The following RAB44 variants were observed in gnomAD, a reference collection of about 807,000 sequenced individuals.
RAB44 encodes the protein RAB44, member RAS oncogene family, also known as ras-related protein Rab-44.
Under a neutral mutation model 93.3 loss-of-function variants are expected in RAB44, and 67 were observed. That is an observed-to-expected ratio of 0.72 (90% CI 0.59 to 0.88). The LOEUF (loss-of-function observed/expected upper bound fraction) is 0.88, where lower values mean the gene tolerates loss of function less well. Among genes scored for constraint, RAB44 ranks in the 40% least tolerant of loss-of-function variants. The pLI is 0.00. For synonymous variants in RAB44, 427 were observed against 520.3 expected (o/e 0.82, Z 2.44); for missense variants, 1,064 against 1,261.7 (o/e 0.84, Z 2.37).
chr6:36,720,647 TG>T (rs5875554), intron 8 of RAB44, 97 bp downstream of exon 8: 49,498 of 929,144 alleles, frequency 0.053, 1,748 homozygotes, highest in Non-Finnish European at 0.062. Context: ...TAGCACACAG[TG>T]CACACATAGA....
At chr6:36,703,585 G>A (rs1385962828) in intron 1 of RAB44, among the ~76,000 whole-genome samples, 1 of 152,122 alleles carries the variant, frequency 6.6e-6, no homozygotes, top group Non-Finnish European at 1.5e-5. Flanking sequence ...AGGGCACAGG[G>A]GTGGGGTGGA....
intron 8 of RAB44, 139 bp downstream of exon 8, chr6:36,720,689 C>A: frequency 1.5e-6 from 1 of 669,464 alleles, no homozygotes; most frequent in Non-Finnish European, 2.1e-6. Flanking sequence ...CTCTGCCAAG[C>A]TGGAACTATC....
At chr6:36,724,626 G>A (rs1319598158) in intron 9 of RAB44, among the ~76,000 whole-genome samples, 7 of 151,694 alleles carry the variant, frequency 4.6e-5, no homozygotes, top group African/African-American at 1.2e-4. Flanking sequence ...AAACACAGCT[G>A]CATAATCGTG....
At chr6:36,712,606 C>G (rs947841646) in intron 2 of RAB44, among the ~76,000 whole-genome samples, 1 of 152,190 alleles carries the variant, frequency 6.6e-6, no homozygotes, top group African/African-American at 2.4e-5. Context: ...CTCAAGTGAT[C>G]TGCCCGCCTC....
At position 36,721,826 on chromosome 6, in the gene RAB44, C is replaced by G; in HGVS notation, c.1692C>G (p.Thr564=). 1 of 1,234,582 alleles carries G rather than the reference C, an allele frequency of 8.1e-7. No homozygotes were observed. Among genetic ancestry groups the G allele is most frequent in the Non-Finnish European group, 1.0e-6 (1 of 988,450 alleles). The allele number at this position is 1,234,582 out of a possible 1,614,324, so 76.5% of individuals were successfully genotyped here. The change falls in exon 9 of 14, where the codon ACC becomes ACG. Residue 564 remains threonine, a synonymous_variant. Coordinates refer to ENST00000612677, the MANE Select transcript of RAB44 (RefSeq NM_001257357.2). ...QTPPTMTERE[T]QPGPSPTTAL... is the part of the protein sequence containing the mutation. ...CTCCCACCATGACTGAGCGGGAAAC[C>G]CAGCCCGGACCCTCACCCACAACTG...
At position 36,718,991 on chromosome 6, in the gene RAB44, G is replaced by A. The variant is rs148349320; in HGVS notation, c.828+403G>A. ...GCAGTCTTGGCTCACTGCAAGCTCC[G>A]CCTCAGTTCACCTCAGGAGAATGGT... On this transcript the variant is annotated intron_variant, in intron 7 of 13. Coordinates refer to ENST00000612677, the MANE Select transcript of RAB44 (RefSeq NM_001257357.2). Among the ~76,000 whole-genome samples, 120 of 151,750 alleles carry A rather than the reference G, an allele frequency of 7.9e-4. 1 individual carries two copies. The Middle Eastern group carries it at 0.014, about 17-fold the overall frequency.
chr6:36,715,118 T>TATATATATATATATATATATA (rs1562058557), intron 3 of RAB44, among the ~76,000 whole-genome samples: 1 of 151,602 alleles, frequency 6.6e-6, no homozygotes, highest in African/African-American at 2.4e-5. Context: ...TATATATATA[T>TATATATATATATATATATATA]TCTTTTCAAC....
At chr6:36,715,200 A>C (rs58536292) in intron 3 of RAB44, among the ~76,000 whole-genome samples, 15,446 of 152,038 alleles carry the variant, frequency 0.1, 958 homozygotes, top group African/African-American at 0.17. Flanking sequence ...ATACATATCC[A>C]TTGATTGAGT....
intron 2 of RAB44, among the ~76,000 whole-genome samples, chr6:36,706,142 C>G (rs1762644951): frequency 1.3e-5 from 2 of 152,070 alleles, no homozygotes; most frequent in Admixed American, 6.5e-5. Flanking sequence ...TCAAGCAATC[C>G]CCCCACCTCA....
Position 36,721,977 on chromosome 6 carries a change from G to A in RAB44, c.1843G>A (p.Ala615Thr). ...GGCTAGAGCCCTCACCCTGGGGCCA[G>A]CTGAGCCCTTCCAGGGCCTGGAATT... ...QRARALTLGP[A>T]EPFQGLEFVG... Residue 615 changes from alanine (A) to threonine (T), a missense_variant, in exon 9 of 14, where the codon GCT (alanine) becomes ACT (threonine). Ala to Thr is a moderately conservative substitution (Grantham distance 58). Transcript: ENST00000612677. 1 of 1,234,634 alleles carries A rather than the reference G, an allele frequency of 8.1e-7. No individual in the cohort carries two copies. Among genetic ancestry groups the A allele is most frequent in the Non-Finnish European group, 1.0e-6 (1 of 988,372 alleles). The allele number at this position is 1,234,634 out of a possible 1,614,324, so 76.5% of individuals were successfully genotyped here. A position where few individuals can be genotyped will look rare whatever the true frequency, so the allele number is the denominator to read the frequency against.
Position 36,704,429 on chromosome 6 carries a change from G to A in RAB44, c.194G>A (p.Arg65His), listed in dbSNP as rs922894577. ...GCCAAGGAGAGGGGCTTTGTCACCC[G>A]CGAGGACCTGGCGGTGAGCCCAAGA... ...CGAKERGFVT[R>H]EDLAVAKFSF... is the part of the protein sequence containing the mutation. Residue 65 changes from arginine to histidine, a missense_variant, in exon 2 of 14, where the codon CGC becomes CAC. Transcript: ENST00000612677. 24 of 1,535,432 alleles carry A rather than the reference G, an allele frequency of 1.6e-5. No homozygotes were observed. The Admixed American group carries it at 3.3e-4, about 21-fold the overall frequency.
intron 8 of RAB44, 149 bp downstream of exon 8, chr6:36,720,699 C>T (rs1763052552): frequency 1.5e-6 from 1 of 646,140 alleles, no homozygotes; most frequent in Non-Finnish European, 2.2e-6. Flanking sequence ...CTGGAACTAT[C>T]ACAACCATTT....
At chr6:36,711,748 T>TA (rs11450660) in intron 2 of RAB44, among the ~76,000 whole-genome samples, 4,622 of 152,164 alleles carry the variant, frequency 0.03, 217 homozygotes, top group African/African-American at 0.1. Flanking sequence ...ACATAAGAGT[T>TA]AAAGACCTTT....
rs146624150 is a variant in RAB44, at chr6:36,728,294, T to C, written c.2797-406T>C. 6.0e-4 allele frequency among the ~76,000 whole-genome samples: 92 copies of C among 152,286 alleles called. 1 individual carries two copies. The highest frequency in any genetic ancestry group is 1.9e-3 in the African/African-American group (77 of 41,550). On this transcript the variant is annotated intron_variant, in intron 11 of 13. Coordinates refer to ENST00000612677, the MANE Select transcript of RAB44 (RefSeq NM_001257357.2). The stretch of plus-strand genomic sequence containing the variant: ...AACTTCAATTTCTGGAATTCTCTCA[T>C]AGGGGAGTTGTGACAATTAATTGAT...
In RAB44 at chr6:36,713,788, CCCGGTGGGAACACCTGCCCAA is replaced by C. The variant is rs757928200; in HGVS notation, c.208-38_208-18del. On this transcript the variant is annotated intron_variant, in intron 2 of 13. Coordinates refer to ENST00000612677, the MANE Select transcript of RAB44 (RefSeq NM_001257357.2). The stretch of plus-strand genomic sequence containing the variant: ...TCCGTTTTGGAGGGTGAGAGCCTTC[CCCGGTGGGAACACCTGCCCAA>C]CTTGCCCATTCCTTCCAGGTGGCCA... The C allele has an allele frequency of 4.5e-5, 58 of 1,298,676 alleles. No individual in the cohort carries two copies. In the South Asian group the frequency reaches 6.8e-4, roughly 15 times the overall value. The allele number at this position is 1,298,676 out of a possible 1,614,324, so 80.4% of individuals were successfully genotyped here. A position where few individuals can be genotyped will look rare whatever the true frequency, so the allele number is the denominator to read the frequency against.
At chr6:36,703,485 T>C (rs1285280974) in intron 1 of RAB44, among the ~76,000 whole-genome samples, 5 of 150,748 alleles carry the variant, frequency 3.3e-5, no homozygotes, top group Non-Finnish European at 5.9e-5. Flanking sequence ...AGTGAGAGAG[T>C]TGAGGAGTTT....
At chr6:36,715,188 C>G (rs751061127) in intron 3 of RAB44, among the ~76,000 whole-genome samples, 1 of 152,030 alleles carries the variant, frequency 6.6e-6, no homozygotes, top group African/African-American at 2.4e-5. Flanking sequence ...TGTAGATGCT[C>G]AATACATATC....
At position 36,721,804 on chromosome 6, in the gene RAB44, C is replaced by T; in HGVS notation, c.1670C>T (p.Pro557Leu). 1.6e-6 allele frequency: 2 copies of T among 1,234,514 alleles called. No homozygotes were observed. Among genetic ancestry groups the T allele is most frequent in the Non-Finnish European group, 2.0e-6 (2 of 988,364 alleles). 76.5% of individuals were successfully genotyped at this position (1,234,514 alleles called of 1,614,324 possible). A position where few individuals can be genotyped will look rare whatever the true frequency, so the allele number is the denominator to read the frequency against. ...AGPQEPTQTP[P>L]TMTERETQPG... is the part of the protein sequence containing the mutation. ...CCCCAGGAACCCACACAAACCCCTC[C>T]CACCATGACTGAGCGGGAAACCCAG... is the stretch of plus-strand genomic sequence containing the variant. The change falls in exon 9 of 14, where the codon CCC becomes CTC. Residue 557 changes from proline (P) to leucine (L), a missense_variant. Pro to Leu is a moderately conservative substitution (Grantham distance 98, BLOSUM62 -3). Coordinates refer to ENST00000612677, the MANE Select transcript of RAB44 (RefSeq NM_001257357.2).
chr6:36,723,560 G>A (rs1434157961), intron 9 of RAB44, among the ~76,000 whole-genome samples: 1 of 152,054 alleles, frequency 6.6e-6, no homozygotes, highest in African/African-American at 2.4e-5. Flanking sequence ...ACCCAGCCGG[G>A]CGCAGTGGCT....
Sources: allele counts gnomAD v4.1 joint callset (sites outside exome capture counted in the v4.1 genomes callset), GRCh38; gene constraint gnomAD v4.1.1; transcripts MANE v1.5; gene names NCBI Gene and HGNC (gene_info 2026-07-23, HGNC 2026-07-21).